Variants in ZNF264 observed in about 807,000 individuals in gnomAD.
ZNF264 encodes the protein zinc finger protein 264.
A neutral mutation model predicts 11.2 loss-of-function variants in ZNF264; 11 were observed. The ratio of observed to expected loss-of-function variants is 0.98; its 90% CI spans 0.62 to 1.63. The LOEUF is 1.63. Ranked by LOEUF, ZNF264 falls within the 40% of genes most tolerant of loss-of-function variation. The pLI, the probability that ZNF264 is intolerant of heterozygous loss-of-function variation, is 0.00. For missense variants in ZNF264, 752 were observed against 768.1 expected (o/e 0.98, Z 0.25); for synonymous variants, 309 against 279.8 (o/e 1.10, Z -1.04).
At position 57,203,188 on chromosome 19, in the gene ZNF264, GT is replaced by G. The variant is rs150044208; in HGVS notation, c.161-2206del. Among the ~76,000 whole-genome samples, 462 of 152,262 alleles carry G rather than the reference GT, an allele frequency of 3.0e-3. 1 individual carries two copies. Among genetic ancestry groups the G allele is most frequent in the Non-Finnish European group, 5.2e-3 (353 of 68,020 alleles). On this transcript the variant is annotated intron_variant, in intron 2 of 3. Coordinates refer to ENST00000263095, the MANE Select transcript of ZNF264 (RefSeq NM_003417.5). ...GGCTAGTTTGAGTAATTTCAGTGAG[GT>G]TTGGGGCATAGGGACTATCTCTAGT...
Position 57,220,990 on chromosome 19 carries a change from G to A in ZNF264, c.*8009G>A, listed in dbSNP as rs2087413002. 6.6e-6 allele frequency: 1 copy of A among 152,108 alleles called. No individual in the cohort carries two copies. The highest frequency in any genetic ancestry group is 2.1e-4 in the South Asian group (1 of 4,822). The allele number at this position is 152,108 out of a possible 1,614,324, so 9.4% of individuals were successfully genotyped here. On this transcript the variant is annotated 3_prime_UTR_variant, in exon 4 of 4. Coordinates refer to ENST00000263095, the MANE Select transcript of ZNF264 (RefSeq NM_003417.5). ...CTCACAGAATGTTTACCATGAAGCT[G>A]TGCGTATAGGTGGTACCATGTATGA... is the stretch of plus-strand genomic sequence containing the variant.
chr19:57,219,391 A>C lies in ZNF264; in HGVS notation c.*6410A>C, dbSNP rs1568479806. The C allele has an allele frequency of 6.6e-6, 1 of 152,062 alleles. No individual in the cohort carries two copies. Among genetic ancestry groups the C allele is most frequent in the Non-Finnish European group, 1.5e-5 (1 of 68,100 alleles). 9.4% of individuals were successfully genotyped at this position (152,062 alleles called of 1,614,324 possible). On this transcript the variant is annotated 3_prime_UTR_variant, in exon 4 of 4. Coordinates refer to ENST00000263095, the MANE Select transcript of ZNF264 (RefSeq NM_003417.5). Reference sequence around the variant, plus strand: ...TTCAAGTCTCTATCCTCATCCCCAAATGGATTTCACCCCGCTTGTCCATCA... The same window carrying C: ...TTCAAGTCTCTATCCTCATCCCCAACTGGATTTCACCCCGCTTGTCCATCA...
Position 57,216,403 on chromosome 19 carries a change from C to G in ZNF264, c.*3422C>G, listed in dbSNP as rs998430595. 5 of 152,206 alleles carry G rather than the reference C, an allele frequency of 3.3e-5. No homozygotes were observed. In the East Asian group the frequency reaches 7.7e-4, roughly 23 times the overall value. The allele number at this position is 152,206 out of a possible 1,614,324, so 9.4% of individuals were successfully genotyped here. ...TGATTGTGGAAGTGTGTTGCTCTTT[C>G]AAGTTCTATCACTTTTTGTTTGCAA... is the stretch of plus-strand genomic sequence containing the variant. On this transcript the variant is annotated 3_prime_UTR_variant, in exon 4 of 4. Transcript: ENST00000263095.
At chr19:57,210,543 C>T (rs2087326859) in intron 3 of ZNF264, among the ~76,000 whole-genome samples, 1 of 152,198 alleles carries the variant, frequency 6.6e-6, no homozygotes, top group African/African-American at 2.4e-5. Context: ...CCCAGTCTGG[C>T]ATATGGCAAT....
chr19:57,199,225 G>T lies in ZNF264; in HGVS notation c.160+5224G>T, dbSNP rs185570303. Among the ~76,000 whole-genome samples the T allele has an allele frequency of 2.0e-3, 307 of 152,030 alleles. 3 individuals carry two copies. In the South Asian group the frequency reaches 0.02, roughly 10 times the overall value. On this transcript the variant is annotated intron_variant, in intron 2 of 3. Transcript: ENST00000263095. ...ATTATTCCCAATGTATTAAATTTTTGTAGGTGAGTGACTGAAATTCCAACT... is the reference window on the plus strand; with the variant it reads ...ATTATTCCCAATGTATTAAATTTTTTTAGGTGAGTGACTGAAATTCCAACT...
Position 57,213,822 on chromosome 19 carries a change from C to G in ZNF264, c.*841C>G, listed in dbSNP as rs1347770845. 6.6e-6 allele frequency: 1 copy of G among 152,088 alleles called. No individual in the cohort carries two copies. The highest frequency in any genetic ancestry group is 1.5e-5 in the Non-Finnish European group (1 of 68,022). The allele number at this position is 152,088 out of a possible 1,614,324, so 9.4% of individuals were successfully genotyped here. On this transcript the variant is annotated 3_prime_UTR_variant, in exon 4 of 4. Transcript: ENST00000263095. ...AATTGGTATCTTTACTATGTTGGGT[C>G]TTGTAGTTCATGAGTGCAGGAGTAG...
chr19:57,191,988 C>T (rs2122728577), intron 1 of ZNF264, 42 bp downstream of exon 1: 5 of 1,497,042 alleles, frequency 3.3e-6, no homozygotes, highest in Middle Eastern at 1.8e-4. Context: ...TCCTTGCCAG[C>T]GCTGAGGCGG....
rs200612119 is a variant in ZNF264, at chr19:57,205,507, C to A, written c.256+15C>A. 57 of 1,597,742 alleles carry A rather than the reference C, an allele frequency of 3.6e-5. No homozygotes were observed. Among genetic ancestry groups the A allele is most frequent in the Non-Finnish European group, 4.4e-5 (51 of 1,171,620 alleles). On this transcript the variant is annotated intron_variant, in intron 3 of 3. Transcript: ENST00000263095. ...CACCTGTCCAGGTAGGAGCCAAGAT[C>A]TGGGCAGGTTGGAGTCCCTTCTGGC...
At chr19:57,192,219 T>A (rs971238085) in intron 1 of ZNF264, 1 of 536,290 alleles carries the variant, frequency 1.9e-6, no homozygotes, top group Admixed American at 6.4e-5. Context: ...CAGGTCTCAT[T>A]CCAGCATGAA....
chr19:57,205,377 C>T lies in ZNF264; in HGVS notation c.161-20C>T. On this transcript the variant is annotated intron_variant, in intron 2 of 3. Transcript: ENST00000263095. ...CTTTTCACCCACATCCATGTGTCCACTTGCTTTCTCCATAAACAGGGTGTC... is the reference window on the plus strand; with the variant it reads ...CTTTTCACCCACATCCATGTGTCCATTTGCTTTCTCCATAAACAGGGTGTC... The T allele has an allele frequency of 6.3e-7, 1 of 1,596,182 alleles. No homozygotes were observed. Among genetic ancestry groups the T allele is most frequent in the Non-Finnish European group, 8.5e-7 (1 of 1,171,068 alleles).
At chr19:57,208,578 A>G (rs1267320303) in intron 3 of ZNF264, among the ~76,000 whole-genome samples, 1 of 152,152 alleles carries the variant, frequency 6.6e-6, no homozygotes, top group Non-Finnish European at 1.5e-5. Flanking sequence ...ATGAGAGACC[A>G]TGAACCAGAG....
chr19:57,193,132 A>T (rs2087187374), intron 1 of ZNF264, among the ~76,000 whole-genome samples: 1 of 152,046 alleles, frequency 6.6e-6, no homozygotes, highest in African/African-American at 2.4e-5. Context: ...ATGTTGGGGG[A>T]GTGTTGGAGT....
At chr19:57,198,551 A>ACG (rs2122740016) in intron 2 of ZNF264, among the ~76,000 whole-genome samples, 1 of 151,888 alleles carries the variant, frequency 6.6e-6, no homozygotes, top group African/African-American at 2.4e-5. Flanking sequence ...TGTGCCTATT[A>ACG]CGCATTCTGG....
rs2122779542 is a variant in ZNF264, at chr19:57,219,454, C to T, written c.*6473C>T. The T allele has an allele frequency of 6.6e-6, 1 of 152,480 alleles. No individual in the cohort carries two copies. Among genetic ancestry groups the T allele is most frequent in the African/African-American group, 2.4e-5 (1 of 41,578 alleles). The allele number at this position is 152,480 out of a possible 1,614,324, so 9.4% of individuals were successfully genotyped here. A position where few individuals can be genotyped will look rare whatever the true frequency, so the allele number is the denominator to read the frequency against. On this transcript the variant is annotated 3_prime_UTR_variant, in exon 4 of 4. Coordinates refer to ENST00000263095, the MANE Select transcript of ZNF264 (RefSeq NM_003417.5). ...TTCTTCTGTCTCCCACAGACATGGT[C>T]TGTGTAGTTGTTCTGCACACTACCC...
chr19:57,192,832 A>G (rs781109655), intron 1 of ZNF264, among the ~76,000 whole-genome samples: 11 of 152,090 alleles, frequency 7.2e-5, no homozygotes, highest in Non-Finnish European at 1.3e-4. Context: ...CCCAGGTTCA[A>G]GCAATTCTCC....
chr19:57,192,449 G>A (rs2087180889), intron 1 of ZNF264: 3 of 985,272 alleles, frequency 3.0e-6, no homozygotes, highest in South Asian at 4.7e-5. Context: ...CCAGTCAGAT[G>A]CCCTTACTCT....
rs115679217 is a variant in ZNF264, at chr19:57,211,736, C to T, written c.639C>T (p.Asn213=). 2.2e-5 allele frequency: 36 copies of T among 1,614,118 alleles called. No individual in the cohort carries two copies. In the East Asian group the frequency reaches 7.6e-4, roughly 34 times the overall value. ...FKCSECGKVF[N]KKHLLAGHEK... ...GCAGTGAATGTGGAAAAGTATTTAA[C>T]AAGAAACACCTCCTTGCTGGACATG... Residue 213 remains asparagine (N), a synonymous_variant, in exon 4 of 4, where the codon AAC becomes AAT. Transcript: ENST00000263095.
chr19:57,196,685 A>G (rs1243774019), intron 2 of ZNF264, among the ~76,000 whole-genome samples: 4 of 151,880 alleles, frequency 2.6e-5, no homozygotes, highest in Non-Finnish European at 5.9e-5. Context: ...TATACACTTG[A>G]TTATTAAAAC....
In ZNF264 at chr19:57,211,905, C is replaced by T. The variant is rs545524682; in HGVS notation, c.808C>T (p.Arg270Cys). The part of the protein sequence containing the change: ...ECMECGKAFN[R>C]KSYLTQHQRI... ...CATGGAGTGTGGAAAGGCCTTCAAC[C>T]GCAAGTCATACCTTACCCAGCACCA... is the stretch of plus-strand genomic sequence containing the variant. The change falls in exon 4 of 4, where the codon CGC becomes TGC. Residue 270 changes from arginine to cysteine, a missense_variant. By Grantham distance (180) the Arg-to-Cys change is radical. Coordinates refer to ENST00000263095, the MANE Select transcript of ZNF264 (RefSeq NM_003417.5). 7.4e-6 allele frequency: 12 copies of T among 1,613,790 alleles called. No homozygotes were observed. The highest frequency in any genetic ancestry group is 4.5e-5 in the East Asian group (2 of 44,824).
Sources: gnomAD v4.1 joint callset for allele counts (sites outside exome capture counted in the v4.1 genomes callset) on GRCh38, gnomAD v4.1.1 for gene constraint, MANE v1.5 for transcripts, NCBI Gene and HGNC (gene_info 2026-07-23, HGNC 2026-07-21) for gene names.